NCOA1: variants seen among roughly 807,000 people sequenced by gnomAD.
NCOA1 encodes nuclear receptor coactivator 1, also known as Hin-2 protein.
Under a neutral mutation model 150.9 loss-of-function variants are expected in NCOA1, and 35 were observed. That is an observed-to-expected ratio of 0.23 (90% CI 0.18 to 0.31). The LOEUF (loss-of-function observed/expected upper bound fraction) is 0.31. NCOA1 is among the 10% of genes least tolerant of loss of function. The probability of loss-of-function intolerance (pLI) is 1.00; values close to 1 mark genes in which losing one functional copy is unlikely to be tolerated. For synonymous variants in NCOA1, 590 were observed against 630.0 expected, an observed-to-expected ratio of 0.94 and a Z score of 0.95; for missense variants, 1,491 against 1,749.3, an observed-to-expected ratio of 0.85 and a Z score of 2.63.
intron 19 of NCOA1, among the ~76,000 whole-genome samples, chr2:24,751,246 G>A (rs1253078465): frequency 2.7e-5 from 4 of 150,656 alleles, no homozygotes; most frequent in African/African-American, 4.9e-5. Context: ...GATTACAGGC[G>A]TGAGCCACAG....
At chr2:24,734,693 A>G (rs62142351) in intron 17 of NCOA1, among the ~76,000 whole-genome samples, 2,778 of 152,116 alleles carry the variant, frequency 0.018, 37 homozygotes, top group Non-Finnish European at 0.026. Flanking sequence ...TGTAGTCCCA[A>G]CTACTTAGGA....
chr2:24,562,506 C>T (rs780243089), intron 1 of NCOA1, among the ~76,000 whole-genome samples: 15 of 152,082 alleles, frequency 9.9e-5, no homozygotes, highest in Non-Finnish European at 2.1e-4. Flanking sequence ...ATGAAGAAAC[C>T]TCGATTCCAT....
At chr2:24,525,794 C>T (rs1259280804) in intron 1 of NCOA1, among the ~76,000 whole-genome samples, 3 of 152,010 alleles carry the variant, frequency 2.0e-5, no homozygotes, top group African/African-American at 7.2e-5. Flanking sequence ...GTGATCTGCC[C>T]GCCACAGCCT....
intron 1 of NCOA1, among the ~76,000 whole-genome samples, chr2:24,510,912 A>G (rs1663910337): frequency 6.6e-6 from 1 of 152,226 alleles, no homozygotes; most frequent in Non-Finnish European, 1.5e-5. Flanking sequence ...CTTTTAGTAT[A>G]TTCACAAAGT....
intron 3 of NCOA1, among the ~76,000 whole-genome samples, chr2:24,627,588 T>G (rs1379168740): frequency 8.1e-5 from 9 of 111,198 alleles, no homozygotes; most frequent in African/African-American, 2.4e-4. Flanking sequence ...ATTTAATATT[T>G]ACTTTTTCTT....
intron 11 of NCOA1, among the ~76,000 whole-genome samples, chr2:24,699,628 G>A (rs1175793509): frequency 1.3e-5 from 2 of 152,082 alleles, no homozygotes; most frequent in Admixed American, 6.5e-5. Flanking sequence ...CAAAGTTCAC[G>A]TGACTGAATC....
rs372582305 is a variant in NCOA1, at chr2:24,739,524, T to G, written c.3294T>G (p.Ile1098Met). Residue 1098 changes from isoleucine (I) to methionine (M), a missense_variant, in exon 18 of 23, where the codon ATT (isoleucine) becomes ATG (methionine). By Grantham distance (10) the Ile-to-Met change is conservative. Coordinates refer to ENST00000348332, the MANE Select transcript of NCOA1 (RefSeq NM_003743.5). ...TGAGATCAGGCATGCAACAGCAAAT[T>G]ACACCTCAGGTAATGTGAGAAAACC... ...INMRSGMQQQ[I>M]TPQPPLNAQM... 85 of 1,612,102 alleles carry G rather than the reference T, an allele frequency of 5.3e-5. No homozygotes were observed. Among genetic ancestry groups the G allele is most frequent in the Non-Finnish European group, 6.7e-5 (79 of 1,178,322 alleles).
chr2:24,520,647 G>A (rs897599250), intron 1 of NCOA1, among the ~76,000 whole-genome samples: 6 of 152,206 alleles, frequency 3.9e-5, no homozygotes, highest in African/African-American at 1.4e-4. Context: ...GGAAACTTAT[G>A]AGAGTGATGG....
chr2:24,661,963 A>G (rs540094613), intron 5 of NCOA1, among the ~76,000 whole-genome samples: 1 of 152,350 alleles, frequency 6.6e-6, no homozygotes, highest in South Asian at 2.1e-4. Flanking sequence ...TATCTTAAAG[A>G]TAATTATATT....
chr2:24,493,903 G>C (rs1002547090), intron 1 of NCOA1, among the ~76,000 whole-genome samples: 1 of 152,162 alleles, frequency 6.6e-6, no homozygotes, highest in Non-Finnish European at 1.5e-5. Flanking sequence ...AATTTTTGTT[G>C]AATTTCCTGT....
intron 13 of NCOA1, among the ~76,000 whole-genome samples, chr2:24,709,691 A>G (rs554881420): frequency 1.3e-5 from 2 of 152,270 alleles, no homozygotes; most frequent in East Asian, 3.9e-4. Context: ...TTTATGGTTA[A>G]TGCTTTTTGC....
intron 11 of NCOA1, 53 bp from the exon 12 acceptor site, chr2:24,705,033 G>A (rs905391901): frequency 6.4e-7 from 1 of 1,564,828 alleles, no homozygotes. Context: ...GTGACTTAAA[G>A]CCAGCGTATA....
intron 1 of NCOA1, among the ~76,000 whole-genome samples, chr2:24,492,457 A>G (rs866965213): frequency 6.6e-6 from 1 of 152,148 alleles, no homozygotes; most frequent in African/African-American, 2.4e-5. Flanking sequence ...AGTTACCCCC[A>G]TGGGTAGACA....
chr2:24,742,820 A>G (rs972928487), intron 19 of NCOA1, among the ~76,000 whole-genome samples: 1 of 151,922 alleles, frequency 6.6e-6, no homozygotes, highest in Non-Finnish European at 1.5e-5. Context: ...ATTCGCATGT[A>G]GTTTTTTCAT....
At chr2:24,757,400 C>T (rs1352922431) in intron 20 of NCOA1, among the ~76,000 whole-genome samples, 3 of 152,112 alleles carry the variant, frequency 2.0e-5, no homozygotes, top group Non-Finnish European at 2.9e-5. Context: ...TGCCATAATT[C>T]ATTTATTCAT....
intron 1 of NCOA1, among the ~76,000 whole-genome samples, chr2:24,548,463 A>G (rs1665694562): frequency 6.6e-6 from 1 of 152,212 alleles, no homozygotes; most frequent in Non-Finnish European, 1.5e-5. Flanking sequence ...TGGCCCCTCC[A>G]AATCTTGCAT....
chr2:24,700,891 A>G (rs939340429), intron 11 of NCOA1, among the ~76,000 whole-genome samples: 1 of 152,238 alleles, frequency 6.6e-6, no homozygotes, highest in Non-Finnish European at 1.5e-5. Flanking sequence ...CCTAGGTTCC[A>G]CAAACTTAAT....
At chr2:24,764,369 T>C (rs748325431) in intron 22 of NCOA1, among the ~76,000 whole-genome samples, 5 of 152,186 alleles carry the variant, frequency 3.3e-5, no homozygotes, top group Non-Finnish European at 7.3e-5. Flanking sequence ...TAAATTTATG[T>C]TACAATTAAT....
chr2:24,508,433 C>G (rs1035980983), intron 1 of NCOA1, among the ~76,000 whole-genome samples: 4 of 148,706 alleles, frequency 2.7e-5, no homozygotes, highest in Non-Finnish European at 6.0e-5. Context: ...TTTGCAATGA[C>G]AAAAAAAAAG....
Sources: allele counts gnomAD v4.1 joint callset (sites outside exome capture counted in the v4.1 genomes callset), GRCh38; gene constraint gnomAD v4.1.1; transcripts MANE v1.5; gene names NCBI Gene and HGNC (gene_info 2026-07-23, HGNC 2026-07-21).